Variants in TEAD1 observed in about 807,000 individuals in gnomAD.
The protein encoded by TEAD1 is transcriptional enhancer factor TEF-1.
TEAD1 carries 9 observed loss-of-function variants against 54.9 expected under a neutral mutation model. The ratio of observed to expected loss-of-function variants is 0.16; its 90% CI spans 0.10 to 0.29. The LOEUF (loss-of-function observed/expected upper bound fraction) is 0.29. Ranked by LOEUF, TEAD1 falls within the 10% of genes least tolerant of loss-of-function variation. TEAD1 has a pLI of 1.00. For missense variants in TEAD1, 387 were observed against 535.9 expected, an observed-to-expected ratio of 0.72 and a Z score of 2.74; for synonymous variants, 200 against 187.8, an observed-to-expected ratio of 1.07 and a Z score of -0.53.
At chr11:12,756,199 A>G (rs1328933380) in intron 2 of TEAD1, among the ~76,000 whole-genome samples, 1 of 152,086 alleles carries the variant, frequency 6.6e-6, no homozygotes, top group Admixed American at 6.5e-5. Context: ...TGATTTTTGA[A>G]AACGAGAAGG....
intron 10 of TEAD1, among the ~76,000 whole-genome samples, chr11:12,919,898 C>T (rs1376851502): frequency 6.6e-6 from 1 of 152,170 alleles, no homozygotes; most frequent in Non-Finnish European, 1.5e-5. Context: ...TATATTACTT[C>T]TCCTTCAGTA....
At chr11:12,716,944 T>G (rs865859764) in intron 2 of TEAD1, among the ~76,000 whole-genome samples, 1 of 152,204 alleles carries the variant, frequency 6.6e-6, no homozygotes, top group South Asian at 2.1e-4. Flanking sequence ...GGTCACAGCT[T>G]CTGCTGCTCC....
At chr11:12,756,411 C>T (rs1284094463) in intron 2 of TEAD1, among the ~76,000 whole-genome samples, 2 of 152,162 alleles carry the variant, frequency 1.3e-5, no homozygotes, top group Non-Finnish European at 2.9e-5. Context: ...CTACAAAATC[C>T]AGGCTGCCAA....
At chr11:12,716,139 G>T (rs536495143) in intron 2 of TEAD1, among the ~76,000 whole-genome samples, 2 of 151,946 alleles carry the variant, frequency 1.3e-5, no homozygotes, top group Non-Finnish European at 2.9e-5. Context: ...GTCGGCTTCC[G>T]GCCGAGGGAT....
chr11:12,877,330 A>C (rs981640741), intron 5 of TEAD1, among the ~76,000 whole-genome samples: 10 of 152,180 alleles, frequency 6.6e-5, no homozygotes, highest in African/African-American at 2.4e-4. Context: ...TTAGTTTTTC[A>C]GTCACAGCCA....
intron 2 of TEAD1, among the ~76,000 whole-genome samples, chr11:12,681,757 C>A (rs1201978577): frequency 6.6e-6 from 1 of 152,258 alleles, no homozygotes; most frequent in Non-Finnish European, 1.5e-5. Flanking sequence ...CTGTCTGCCC[C>A]GCTCCTGTCT....
intron 3 of TEAD1, among the ~76,000 whole-genome samples, chr11:12,826,542 C>T (rs1002678316): frequency 6.6e-5 from 10 of 152,144 alleles, no homozygotes; most frequent in African/African-American, 2.4e-4. Flanking sequence ...ATAACAATCA[C>T]GGTGTGATAA....
chr11:12,788,156 G>A (rs1164397294), intron 3 of TEAD1, among the ~76,000 whole-genome samples: 1 of 108,830 alleles, frequency 9.2e-6, no homozygotes, highest in South Asian at 2.7e-4. Context: ...TTTTTTTTTT[G>A]GACGGAGTCT....
chr11:12,750,978 G>A (rs1469602675), intron 2 of TEAD1, among the ~76,000 whole-genome samples: 2 of 152,190 alleles, frequency 1.3e-5, no homozygotes, highest in African/African-American at 4.8e-5. Flanking sequence ...TTGGGGAGCA[G>A]TTGCCATGTG....
chr11:12,719,442 G>A (rs930954752), intron 2 of TEAD1, among the ~76,000 whole-genome samples: 1 of 152,100 alleles, frequency 6.6e-6, no homozygotes, highest in Non-Finnish European at 1.5e-5. Flanking sequence ...CTTGCTGAGT[G>A]CAGGCAGCTC....
chr11:12,704,714 A>G (rs768286564), intron 2 of TEAD1, among the ~76,000 whole-genome samples: 6 of 152,184 alleles, frequency 3.9e-5, no homozygotes, highest in South Asian at 2.1e-4. Context: ...TTATCTTTGT[A>G]TCCTGCTTGG....
At chr11:12,920,838 GCAT>G (rs2134156574) in intron 10 of TEAD1, among the ~76,000 whole-genome samples, 1 of 152,322 alleles carries the variant, frequency 6.6e-6, no homozygotes, top group East Asian at 1.9e-4. Flanking sequence ...TCATTGGGAA[GCAT>G]CATAGATATT....
Position 12,902,059 on chromosome 11 carries a change from A to G in TEAD1, c.819A>G (p.Leu273=), listed in dbSNP as rs773768438. 8 of 1,614,240 alleles carry G rather than the reference A, an allele frequency of 5.0e-6. No individual in the cohort carries two copies. The highest frequency in any genetic ancestry group is 5.9e-6 in the Non-Finnish European group (7 of 1,180,044). The change falls in exon 10 of 13, where the codon TTA becomes TTG. Residue 273 remains leucine (L), a synonymous_variant. Coordinates refer to ENST00000527636, the MANE Select transcript of TEAD1 (RefSeq NM_021961.6). Reference sequence around the variant, plus strand: ...AATTTCCTGAAAAGAAAGGTGGCTTAAAGGAACTGTTTGGAAAGGGCCCTC... The same window carrying G: ...AATTTCCTGAAAAGAAAGGTGGCTTGAAGGAACTGTTTGGAAAGGGCCCTC...
At chr11:12,737,778 G>A (rs978240981) in intron 2 of TEAD1, among the ~76,000 whole-genome samples, 16 of 152,324 alleles carry the variant, frequency 1.1e-4, no homozygotes, top group African/African-American at 2.9e-4. Context: ...TAAACCAAGA[G>A]TAAGGGTGGA....
chr11:12,899,320 C>T (rs1028919940), intron 9 of TEAD1, among the ~76,000 whole-genome samples: 3 of 151,740 alleles, frequency 2.0e-5, no homozygotes, highest in African/African-American at 7.3e-5. Context: ...ATGCCTTTTG[C>T]CCTGTACTCC....
intron 3 of TEAD1, among the ~76,000 whole-genome samples, chr11:12,844,637 C>CA (rs142373243): frequency 6.6e-6 from 1 of 152,210 alleles, no homozygotes; most frequent in East Asian, 1.9e-4. Flanking sequence ...TTCAGAGTGC[C>CA]AGATCAACCC....
At chr11:12,888,656 T>C (rs1047814699) in intron 9 of TEAD1, among the ~76,000 whole-genome samples, 1 of 152,214 alleles carries the variant, frequency 6.6e-6, no homozygotes, top group Non-Finnish European at 1.5e-5. Context: ...CTTGCCAACA[T>C]TGAAGACTTC....
chr11:12,711,743 G>T (rs4300377), intron 2 of TEAD1, among the ~76,000 whole-genome samples: 19,906 of 152,208 alleles, frequency 0.13, 4,326 homozygotes, highest in African/African-American at 0.45. Context: ...AGGTAACGTG[G>T]AAGGTGACTG....
At chr11:12,674,957 C>A (rs1164447488) in intron 1 of TEAD1, 123 bp downstream of exon 1, 2 of 145,592 alleles carry the variant, frequency 1.4e-5, no homozygotes, top group Non-Finnish European at 3.0e-5. Flanking sequence ...CGACGGCGGG[C>A]GGGCACGCGG....
Sources: gnomAD v4.1 joint callset for allele counts (sites outside exome capture counted in the v4.1 genomes callset) on GRCh38, gnomAD v4.1.1 for gene constraint, MANE v1.5 for transcripts, NCBI Gene and HGNC (gene_info 2026-07-23, HGNC 2026-07-21) for gene names.